The following UBN1 variants were observed in gnomAD, a reference collection of about 807,000 sequenced individuals.
UBN1 encodes the protein ubinuclein 1, also known as ubinuclein-1.
In UBN1, 17 loss-of-function variants were observed where a neutral mutation model predicts 108.5. That is an observed-to-expected ratio of 0.16 (90% CI 0.11 to 0.24). The LOEUF (loss-of-function observed/expected upper bound fraction) is 0.24. UBN1 is among the 10% of genes least tolerant of loss of function. The pLI is 1.00. For missense variants in UBN1, 1,595 were observed against 1,394.4 expected, an observed-to-expected ratio of 1.14 and a Z score of -2.29; for synonymous variants, 726 against 564.2, an observed-to-expected ratio of 1.29 and a Z score of -4.07.
At chr16:4,866,521 A>G (rs551068024) in intron 7 of UBN1, among the ~76,000 whole-genome samples, 76 of 152,222 alleles carry the variant, frequency 5.0e-4, no homozygotes, top group Admixed American at 2.6e-3. Flanking sequence ...TTATTTTATT[A>G]TTATTTTTTA....
chr16:4,849,127 A>T (rs1277860575), intron 1 of UBN1, among the ~76,000 whole-genome samples: 1 of 152,218 alleles, frequency 6.6e-6, no homozygotes, highest in African/African-American at 2.4e-5. Context: ...AAAGAAAAAA[A>T]AATCTCAAAT....
rs770003730 is a variant in UBN1, at chr16:4,858,685, C to T, written c.432+22C>T. ...GGCGGTAAGTAGTTACTGAAAATGC[C>T]GTGTCAGACCCACTGTACCTGTAGC... On this transcript the variant is annotated intron_variant, in intron 4 of 17. Transcript: ENST00000262376. 24 of 1,609,366 alleles carry T rather than the reference C, an allele frequency of 1.5e-5. No individual in the cohort carries two copies. In the Middle Eastern group the frequency reaches 4.9e-4, roughly 33 times the overall value.
Position 4,877,813 on chromosome 16 carries a change from A to G in UBN1, c.3355+339A>G, listed in dbSNP as rs1303569046. On this transcript the variant is annotated intron_variant, in intron 17 of 17. Coordinates refer to ENST00000262376, the MANE Select transcript of UBN1 (RefSeq NM_001079514.3). This position sits in a 1 kb window ranked among gnomAD's most constrained non-coding sequence, Gnocchi z 4.3. ...CTCTTCAGTTTAAAAAAAAAAAAAA[A>G]GGGAAGGTAATGGTGCATCTTCTCC... 3.0e-5 allele frequency: 31 copies of G among 1,022,410 alleles called. No homozygotes were observed. Among genetic ancestry groups the G allele is most frequent in the Non-Finnish European group, 3.4e-5 (29 of 851,864 alleles). The allele number at this position is 1,022,410 out of a possible 1,614,324, so 63.3% of individuals were successfully genotyped here. A position where few individuals can be genotyped will look rare whatever the true frequency, so the allele number is the denominator to read the frequency against.
chr16:4,875,246 A>G lies in UBN1; in HGVS notation c.2836A>G (p.Thr946Ala). ...ACAGCCTCCCTCCGTGGGACAGGCC[A>G]CCAGCCGACCCGTCCCAAGTTCAGC... ...GIQPPSVGQATSRPVPSSAGK... is the reference protein window; with the variant it reads ...GIQPPSVGQAASRPVPSSAGK... Residue 946 changes from threonine (T) to alanine (A), a missense_variant, in exon 15 of 18, where the codon ACC becomes GCC. Physicochemically the swap from Thr to Ala is moderately conservative, Grantham distance 58. This residue lies in a region of UBN1 where 1,398 missense variants were observed against 1,194.7 expected (regional missense o/e 1.17). Transcript: ENST00000262376. The G allele has an allele frequency of 6.2e-7, 1 of 1,614,000 alleles. No homozygotes were observed. Among genetic ancestry groups the G allele is most frequent in the East Asian group, 2.2e-5 (1 of 44,878 alleles).
At chr16:4,872,822 C>G (rs2142261763) in intron 12 of UBN1, 62 bp from the exon 13 acceptor site, 2 of 1,598,772 alleles carry the variant, frequency 1.3e-6, no homozygotes, top group East Asian at 2.2e-5. Flanking sequence ...TAGCAAAGTT[C>G]TGGAAGCAGA....
chr16:4,860,708 A>G lies in UBN1; in HGVS notation c.716A>G (p.Tyr239Cys). 1 of 1,613,870 alleles carries G rather than the reference A, an allele frequency of 6.2e-7. No individual in the cohort carries two copies. Among genetic ancestry groups the G allele is most frequent in the Non-Finnish European group, 8.5e-7 (1 of 1,179,988 alleles). ...AGTAAGGAGAAGAAGAAGAAGAAAT[A>G]TTCTGGGGCTTTAAGCGTTAAAGAG... is the stretch of plus-strand genomic sequence containing the variant. ...NASKEKKKKK[Y>C]SGALSVKEML... Residue 239 changes from tyrosine (Y) to cysteine (C), a missense_variant, in exon 7 of 18, where the codon TAT (tyrosine) becomes TGT (cysteine). Coordinates refer to ENST00000262376, the MANE Select transcript of UBN1 (RefSeq NM_001079514.3).
intron 2 of UBN1, among the ~76,000 whole-genome samples, chr16:4,855,515 C>T (rs1212294020): frequency 6.7e-6 from 1 of 148,844 alleles, no homozygotes; most frequent in African/African-American, 2.5e-5. Context: ...ACTCAGAAAG[C>T]TGAGGTGGGA....
intron 1 of UBN1, among the ~76,000 whole-genome samples, chr16:4,848,816 C>T (rs920596708): frequency 6.6e-6 from 1 of 152,170 alleles, no homozygotes; most frequent in South Asian, 2.1e-4. Flanking sequence ...AAACATGAAT[C>T]TTGGCCGGGC....
chr16:4,852,115 G>C (rs907995703), intron 1 of UBN1: 5 of 152,216 alleles, frequency 3.3e-5, no homozygotes, highest in Admixed American at 2.6e-4. Context: ...TGGTATGGTA[G>C]AAAGTTCACA....
chr16:4,880,895 C>T lies in UBN1; in HGVS notation c.*763C>T, dbSNP rs1322073547. On this transcript the variant is annotated 3_prime_UTR_variant, in exon 18 of 18. Transcript: ENST00000262376. ...TAATTCCAGTGCCTTTATGGTGGAG[C>T]AGAATTCGACAACACATGTCCATTC... 1 of 152,506 alleles carries T rather than the reference C, an allele frequency of 6.6e-6. No individual in the cohort carries two copies. The highest frequency in any genetic ancestry group is 1.5e-5 in the Non-Finnish European group (1 of 68,034). 9.4% of individuals were successfully genotyped at this position (152,506 alleles called of 1,614,324 possible).
At position 4,881,411 on chromosome 16, in the gene UBN1, C is replaced by G. The variant is rs556019241; in HGVS notation, c.*1279C>G. ...GTCACCACTCAACCAGTGGCTGTTT[C>G]ACAAGGATTTGAGGGCACTTGCCTG... On this transcript the variant is annotated 3_prime_UTR_variant, in exon 18 of 18. Transcript: ENST00000262376. 6.6e-6 allele frequency: 1 copy of G among 152,348 alleles called. No individual in the cohort carries two copies. The highest frequency in any genetic ancestry group is 2.1e-4 in the South Asian group (1 of 4,826). The allele number at this position is 152,348 out of a possible 1,614,324, so 9.4% of individuals were successfully genotyped here. A position where few individuals can be genotyped will look rare whatever the true frequency, so the allele number is the denominator to read the frequency against.
chr16:4,863,318 G>A (rs1383565026), intron 7 of UBN1, among the ~76,000 whole-genome samples: 1 of 152,160 alleles, frequency 6.6e-6, no homozygotes, highest in African/African-American at 2.4e-5. Context: ...CCAGGGCCCT[G>A]CACTTGGGGC....
intron 7 of UBN1, among the ~76,000 whole-genome samples, chr16:4,862,155 A>G (rs564501593): frequency 2.0e-5 from 3 of 152,222 alleles, no homozygotes; most frequent in Non-Finnish European, 4.4e-5. Context: ...CTCTAGTGGC[A>G]GTCATAATCT....
At chr16:4,873,145 G>C in intron 14 of UBN1, 72 bp downstream of exon 14, 4 of 1,583,034 alleles carry the variant, frequency 2.5e-6, no homozygotes, top group Admixed American at 3.3e-5. Flanking sequence ...AAACAGTCAA[G>C]TGACTGTGGA....
chr16:4,871,240 G>A lies in UBN1; in HGVS notation c.1645G>A (p.Val549Met), dbSNP rs767208649. 1 of 1,614,254 alleles carries A rather than the reference G, an allele frequency of 6.2e-7. No homozygotes were observed. The highest frequency in any genetic ancestry group is 1.1e-5 in the South Asian group (1 of 91,084). Residue 549 changes from valine (V) to methionine (M), a missense_variant, in exon 12 of 18, where the codon GTG becomes ATG. This residue lies in a region of UBN1 where 1,398 missense variants were observed against 1,194.7 expected (regional missense o/e 1.17). Transcript: ENST00000262376. Reference sequence around the variant, plus strand: ...CAAAGCCCAGGCTTGGGAGGACTGTGTGAAGGGCTTTCTGGATGCGGAAGT... The same window carrying A: ...CAAAGCCCAGGCTTGGGAGGACTGTATGAAGGGCTTTCTGGATGCGGAAGT... ...NNKAQAWEDC[V>M]KGFLDAEVKP...
rs772415622 is a variant in UBN1, at chr16:4,875,234, G to A, written c.2824G>A (p.Val942Met). 2.3e-5 allele frequency: 37 copies of A among 1,614,066 alleles called. No individual in the cohort carries two copies. Among genetic ancestry groups the A allele is most frequent in the African/African-American group, 5.3e-5 (4 of 74,908 alleles). Residue 942 changes from valine to methionine, a missense_variant, in exon 15 of 18, where the codon GTG becomes ATG. This residue lies in a region of UBN1 where 1,398 missense variants were observed against 1,194.7 expected (regional missense o/e 1.17). Transcript: ENST00000262376. ...SLVPGIQPPS[V>M]GQATSRPVPS... ...GGTCCCTGGCATACAGCCTCCCTCC[G>A]TGGGACAGGCCACCAGCCGACCCGT... is the stretch of plus-strand genomic sequence containing the variant.
chr16:4,871,429 C>A (rs1394676762), intron 12 of UBN1, 128 bp downstream of exon 12: 1 of 1,329,324 alleles, frequency 7.5e-7, no homozygotes, highest in Non-Finnish European at 1.0e-6. Context: ...CTGATCTCAC[C>A]TGAGTAACTG....
chr16:4,849,516 G>C (rs1324507736), intron 1 of UBN1, among the ~76,000 whole-genome samples: 1 of 151,984 alleles, frequency 6.6e-6, no homozygotes, highest in Admixed American at 6.6e-5. Flanking sequence ...AAATTGCTGA[G>C]GATAACCAAG....
chr16:4,873,174 C>A, intron 14 of UBN1, 101 bp downstream of exon 14: 2 of 1,507,922 alleles, frequency 1.3e-6, no homozygotes, highest in South Asian at 1.1e-5. Context: ...GATCTTTGCT[C>A]GTCTGGGGAC....
Sources: gnomAD v4.1 joint callset for allele counts (sites outside exome capture counted in the v4.1 genomes callset) on GRCh38, gnomAD v4.1.1 for gene constraint, gnomAD v4.1.1 regional missense constraint, Gnocchi (gnomAD v3.1) non-coding constraint, MANE v1.5 for transcripts, NCBI Gene and HGNC (gene_info 2026-07-23, HGNC 2026-07-21) for gene names.